The following TFAP2A variants were observed in gnomAD, a reference collection of about 807,000 sequenced individuals.
TFAP2A encodes the protein transcription factor AP-2-alpha.
TFAP2A carries 7 observed loss-of-function variants against 41.5 expected under a neutral mutation model. That is an observed-to-expected ratio of 0.17 (90% CI 0.10 to 0.32). TFAP2A has a LOEUF of 0.32. Ranked by LOEUF, TFAP2A falls within the 10% of genes least tolerant of loss-of-function variation. The probability of loss-of-function intolerance (pLI) is 1.00; values close to 1 mark genes in which losing one functional copy is unlikely to be tolerated. For synonymous variants in TFAP2A, 247 were observed against 242.8 expected (o/e 1.02, Z -0.16); for missense variants, 416 against 563.3 (o/e 0.74, Z 2.65).
At position 10,398,568 on chromosome 6, in the gene TFAP2A, C is replaced by A; in HGVS notation, c.1169G>T (p.Ser390Ile). 1.9e-6 allele frequency: 3 copies of A among 1,614,210 alleles called. No individual in the cohort carries two copies. Among genetic ancestry groups the A allele is most frequent in the Middle Eastern group, 1.6e-4 (1 of 6,062 alleles). The part of the protein sequence containing the change: ...HFNLISHGFG[S>I]PAVCAAVTAL... ...CGTGACCGCGGCACACACCGCGGGGCTGCCGAAGCCGTGGGAGATGAGGTT... is the reference window on the plus strand; with the variant it reads ...CGTGACCGCGGCACACACCGCGGGGATGCCGAAGCCGTGGGAGATGAGGTT... The change falls in exon 7 of 7, where the codon AGC becomes ATC. Residue 390 changes from serine to isoleucine, a missense_variant. Around this residue, in one of 3 missense-constraint regions of TFAP2A, gnomAD observed 116 missense variants for 153.8 expected, o/e 0.75. Coordinates refer to ENST00000379613, the MANE Select transcript of TFAP2A (RefSeq NM_001372066.1). This position sits in a 1 kb window ranked among gnomAD's most constrained non-coding sequence, Gnocchi z 5.3.
In TFAP2A at chr6:10,404,756, G is replaced by A. The variant is rs1390369681; in HGVS notation, c.539-17C>T. 6.2e-7 allele frequency: 1 copy of A among 1,609,420 alleles called. No homozygotes were observed. Among genetic ancestry groups the A allele is most frequent in the Admixed American group, 1.7e-5 (1 of 60,006 alleles). ...ACACGGGGCCTGCGGAGACAGAGGG[G>A]AGGCCGCGTGTTGGGCGTCGTGGAT... On this transcript the variant is annotated splice_polypyrimidine_tract_variant and intron_variant, in intron 3 of 6. Coordinates refer to ENST00000379613, the MANE Select transcript of TFAP2A (RefSeq NM_001372066.1).
At chr6:10,411,671 C>G (rs1309443962) in intron 1 of TFAP2A, 4 of 1,607,736 alleles carry the variant, frequency 2.5e-6, no homozygotes, top group East Asian at 2.2e-5. Context: ...GCCCCGCCGC[C>G]CGAGCGCGCC....
intron 5 of TFAP2A, chr6:10,401,908 C>T (rs1183264421): frequency 9.1e-6 from 2 of 218,792 alleles, no homozygotes; most frequent in Non-Finnish European, 1.8e-5. Flanking sequence ...TTTAAAGCTA[C>T]CAGGAGAAAC....
At position 10,397,992 on chromosome 6, in the gene TFAP2A, G is replaced by A. The variant is rs900215570; in HGVS notation, c.*425C>T. The stretch of plus-strand genomic sequence containing the variant: ...AGGTGGTGACTCAGTCCCATGAAGC[G>A]CATATAATTTTTTTTATTTTCACTT... On this transcript the variant is annotated 3_prime_UTR_variant, in exon 7 of 7. Coordinates refer to ENST00000379613, the MANE Select transcript of TFAP2A (RefSeq NM_001372066.1). The A allele has an allele frequency of 1.0e-5, 11 of 1,056,854 alleles. No individual in the cohort carries two copies. Among genetic ancestry groups the A allele is most frequent in the African/African-American group, 1.0e-4 (6 of 57,742 alleles). 65.5% of individuals were successfully genotyped at this position (1,056,854 alleles called of 1,614,324 possible). A position where few individuals can be genotyped will look rare whatever the true frequency, so the allele number is the denominator to read the frequency against.
intron 1 of TFAP2A, among the ~76,000 whole-genome samples, chr6:10,411,172 C>T (rs1205629838): frequency 1.3e-5 from 2 of 152,080 alleles, no homozygotes; most frequent in Non-Finnish European, 2.9e-5. Context: ...CGCGAACCCT[C>T]GGCGGTTCGG....
chr6:10,403,453 G>A (rs1449945077), intron 4 of TFAP2A, among the ~76,000 whole-genome samples: 1 of 152,194 alleles, frequency 6.6e-6, no homozygotes, highest in Non-Finnish European at 1.5e-5. Context: ...GCAGGAGGAA[G>A]AAAAGACTAG....
At chr6:10,403,354 T>C (rs549562857) in intron 4 of TFAP2A, among the ~76,000 whole-genome samples, 1 of 152,264 alleles carries the variant, frequency 6.6e-6, no homozygotes, top group African/African-American at 2.4e-5. Flanking sequence ...GTCTCCAATA[T>C]TGGGGATGGG....
At chr6:10,415,085 G>A (rs555081767), upstream of TFAP2A, 4 of 1,611,554 alleles carry the variant, frequency 2.5e-6, no homozygotes, top group African/African-American at 1.3e-5. Context: ...GGCGGTGAGC[G>A]CAGGAGGAGG....
chr6:10,402,460 G>C, intron 5 of TFAP2A, 32 bp downstream of exon 5: 1 of 1,479,114 alleles, frequency 6.8e-7, no homozygotes, highest in Non-Finnish European at 9.5e-7. Context: ...CAAGAAGGAA[G>C]TTCCTTCTAG....
intron 3 of TFAP2A, 66 bp downstream of exon 3, chr6:10,406,727 G>T (rs1561710967): frequency 7.3e-7 from 1 of 1,370,872 alleles, no homozygotes; most frequent in Non-Finnish European, 1.0e-6. Flanking sequence ...ACACATCTCT[G>T]CAAGTTCTTT....
chr6:10,419,361 C>T (rs933316101), upstream of TFAP2A: 288 of 1,586,108 alleles, frequency 1.8e-4, no homozygotes, highest in African/African-American at 9.1e-4. Context: ...CGCTCCGGCC[C>T]CCTCCCCTAC....
chr6:10,411,429 G>A (rs957810563), intron 1 of TFAP2A: 2 of 1,393,404 alleles, frequency 1.4e-6, no homozygotes, highest in African/African-American at 2.8e-5. Flanking sequence ...AAGGCGGAAG[G>A]TGGGGTGGGG....
At chr6:10,406,609 C>A in intron 3 of TFAP2A, 184 bp downstream of exon 3, 1 of 633,004 alleles carries the variant, frequency 1.6e-6, no homozygotes. Flanking sequence ...CAAAGCTAGC[C>A]TGTTGGCATT....
intron 1 of TFAP2A, chr6:10,411,797 GC>G: frequency 4.2e-6 from 6 of 1,444,920 alleles, no homozygotes; most frequent in Non-Finnish European, 5.5e-6. Flanking sequence ...ACCGATTCGC[GC>G]GGCGCCTTCA....
chr6:10,405,114 T>C (rs1757648358), intron 3 of TFAP2A: 2 of 247,156 alleles, frequency 8.1e-6, no homozygotes, highest in Non-Finnish European at 1.6e-5. Flanking sequence ...GGGTTCAGGG[T>C]GCAGGGGAGG....
In TFAP2A at chr6:10,398,286, C is replaced by A; in HGVS notation, c.*131G>T. 2 of 1,578,282 alleles carry A rather than the reference C, an allele frequency of 1.3e-6. No individual in the cohort carries two copies. The highest frequency in any genetic ancestry group is 1.4e-5 in the African/African-American group (1 of 74,048). ...CGGGGGGACCCAAGGGCAGCGGCGG[C>A]GGCGGCGGCGGCAGCAGCAGCAGCA... On this transcript the variant is annotated 3_prime_UTR_variant, in exon 7 of 7. Coordinates refer to ENST00000379613, the MANE Select transcript of TFAP2A (RefSeq NM_001372066.1). This position sits in a 1 kb window ranked among gnomAD's most constrained non-coding sequence, Gnocchi z 5.3.
In TFAP2A at chr6:10,398,263, G is replaced by T; in HGVS notation, c.*154C>A. 1 of 1,551,706 alleles carries T rather than the reference G, an allele frequency of 6.4e-7. No individual in the cohort carries two copies. The highest frequency in any genetic ancestry group is 1.3e-5 in the African/African-American group (1 of 74,288). ...TCGAGAGGGCAGTCCCGGAGACTCG[G>T]GGGGACCCAAGGGCAGCGGCGGCGG... is the stretch of plus-strand genomic sequence containing the variant. On this transcript the variant is annotated 3_prime_UTR_variant, in exon 7 of 7. Coordinates refer to ENST00000379613, the MANE Select transcript of TFAP2A (RefSeq NM_001372066.1). The surrounding 1 kb of genome is among the most constrained non-coding windows in gnomAD (Gnocchi z 5.3).
At chr6:10,400,855 C>T in intron 5 of TFAP2A, 1 of 644,580 alleles carries the variant, frequency 1.6e-6, no homozygotes, top group Non-Finnish European at 2.9e-6. Flanking sequence ...CCATCCCCCA[C>T]CCTAAATGAC....
chr6:10,403,396 A>G (rs931483621), intron 4 of TFAP2A, among the ~76,000 whole-genome samples: 2 of 152,256 alleles, frequency 1.3e-5, no homozygotes, highest in East Asian at 3.8e-4. Context: ...GGGCAAGGAA[A>G]AGATCTGTGT....
Sources: allele counts gnomAD v4.1 joint callset (sites outside exome capture counted in the v4.1 genomes callset), GRCh38; gene constraint gnomAD v4.1.1; regional missense constraint gnomAD v4.1.1; non-coding constraint Gnocchi (gnomAD v3.1); transcripts MANE v1.5; gene names NCBI Gene and HGNC (gene_info 2026-07-23, HGNC 2026-07-21).